Variants in PXDNL observed in about 807,000 individuals in gnomAD.
The protein encoded by PXDNL is probable oxidoreductase PXDNL.
In PXDNL, 145 loss-of-function variants were observed where a neutral mutation model predicts 150.8. The observed-to-expected ratio is 0.96, with a 90% CI of 0.84 to 1.10. The LOEUF (loss-of-function observed/expected upper bound fraction) is 1.10, where lower values mean the gene tolerates loss of function less well. Ranked by LOEUF, PXDNL falls within the 50% of genes least tolerant of loss-of-function variation. PXDNL has a pLI of 0.00. For synonymous variants in PXDNL, 757 were observed against 725.7 expected, an observed-to-expected ratio of 1.04 and a Z score of -0.69; for missense variants, 2,087 against 1,873.9, an observed-to-expected ratio of 1.11 and a Z score of -2.10.
In PXDNL at chr8:51,423,691, T is replaced by C. The variant is rs1554538656; in HGVS notation, c.1679A>G (p.Asp560Gly). The C allele has an allele frequency of 6.2e-7, 1 of 1,613,880 alleles. No individual in the cohort carries two copies. The highest frequency in any genetic ancestry group is 1.7e-5 in the Admixed American group (1 of 60,018). The change falls in exon 14 of 23, where the codon GAT (aspartate) becomes GGT (glycine). Residue 560 changes from aspartate (D) to glycine (G), a missense_variant. Transcript: ENST00000356297. ...GTAGATAGTCAGCGTGCCTTCATCATCCACATGGAATTTACCACTCTCAGT... is the reference window on the plus strand; with the variant it reads ...GTAGATAGTCAGCGTGCCTTCATCACCCACATGGAATTTACCACTCTCAGT... ...QITESGKFHV[D>G]DEGTLTIYDA... is the part of the protein sequence containing the mutation.
chr8:51,785,905 G>A (rs2037456471), intron 1 of PXDNL, among the ~76,000 whole-genome samples: 1 of 152,228 alleles, frequency 6.6e-6, no homozygotes, highest in South Asian at 2.1e-4. Context: ...CAAAAGCCAA[G>A]ATAGGCCTCT....
At chr8:51,694,049 A>G (rs1420475972) in intron 1 of PXDNL, among the ~76,000 whole-genome samples, 1 of 152,150 alleles carries the variant, frequency 6.6e-6, no homozygotes, top group Non-Finnish European at 1.5e-5. Context: ...TCTTCTTATC[A>G]CCTTCCACCC....
chr8:51,620,681 C>T (rs1390687591), intron 2 of PXDNL, among the ~76,000 whole-genome samples: 1 of 149,796 alleles, frequency 6.7e-6, no homozygotes, highest in Non-Finnish European at 1.5e-5. Flanking sequence ...GTAGCTGGGA[C>T]TACAGGTGCA....
At chr8:51,719,661 T>A (rs1816689503) in intron 1 of PXDNL, among the ~76,000 whole-genome samples, 1 of 152,048 alleles carries the variant, frequency 6.6e-6, no homozygotes, top group Admixed American at 6.6e-5. Context: ...AAAAACTATT[T>A]CTACCTTCTA....
chr8:51,686,181 C>G (rs1815867150), intron 1 of PXDNL, among the ~76,000 whole-genome samples: 1 of 152,214 alleles, frequency 6.6e-6, no homozygotes, highest in Non-Finnish European at 1.5e-5. Flanking sequence ...GAAACAGATT[C>G]ACTTTCGAGC....
chr8:51,785,121 C>G (rs1268205891), intron 1 of PXDNL, among the ~76,000 whole-genome samples: 1 of 152,122 alleles, frequency 6.6e-6, no homozygotes, highest in East Asian at 1.9e-4. Flanking sequence ...ATGGAACAAG[C>G]TGTTTCTAGG....
intron 1 of PXDNL, among the ~76,000 whole-genome samples, chr8:51,694,524 C>T (rs994996620): frequency 2.0e-5 from 3 of 152,308 alleles, no homozygotes; most frequent in Middle Eastern, 3.4e-3. Flanking sequence ...CTGCTGATGC[C>T]TTAAATCTTG....
chr8:51,354,406 C>A (rs995643716), intron 19 of PXDNL, among the ~76,000 whole-genome samples: 3 of 152,012 alleles, frequency 2.0e-5, no homozygotes, highest in Non-Finnish European at 4.4e-5. Context: ...TGTTTAATTG[C>A]ACCTGCAATG....
At chr8:51,416,507 G>T (rs372576191) in intron 14 of PXDNL, among the ~76,000 whole-genome samples, 3 of 152,326 alleles carry the variant, frequency 2.0e-5, no homozygotes, top group Admixed American at 6.5e-5. Flanking sequence ...AGAAAGCCTT[G>T]CTCAGCACAG....
At chr8:51,563,305 C>T (rs1046465373) in intron 3 of PXDNL, among the ~76,000 whole-genome samples, 2 of 151,930 alleles carry the variant, frequency 1.3e-5, no homozygotes, top group African/African-American at 2.4e-5. Context: ...CTTCCTGGCT[C>T]GCAGATAGCC....
chr8:51,742,465 T>C lies in PXDNL; in HGVS notation c.164+66716A>G, dbSNP rs146184394. ...ATTTCCTCACTGTGATATTGCACTA[T>C]AGTTTTGTAGGACGTTAGTTACCAT... On this transcript the variant is annotated intron_variant, in intron 1 of 22. Coordinates refer to ENST00000356297, the MANE Select transcript of PXDNL (RefSeq NM_144651.5). Among the ~76,000 whole-genome samples, 152 of 152,146 alleles carry C rather than the reference T, an allele frequency of 1.0e-3. 2 individuals are homozygous for C. Among genetic ancestry groups the C allele is most frequent in the African/African-American group, 3.5e-3 (146 of 41,434 alleles).
chr8:51,339,975 C>G, intron 20 of PXDNL: 1 of 374,142 alleles, frequency 2.7e-6, no homozygotes, highest in Non-Finnish European at 4.8e-6. Context: ...TGTAATTTAT[C>G]TAAAATAATA....
chr8:51,401,110 C>T (rs768094064), intron 17 of PXDNL, among the ~76,000 whole-genome samples: 6 of 152,122 alleles, frequency 3.9e-5, no homozygotes, highest in Non-Finnish European at 7.3e-5. Flanking sequence ...ACTCTTGGAA[C>T]CTGTCATTCA....
intron 4 of PXDNL, among the ~76,000 whole-genome samples, chr8:51,553,964 T>C (rs1047701449): frequency 1.3e-5 from 2 of 152,046 alleles, no homozygotes; most frequent in African/African-American, 4.8e-5. Flanking sequence ...ATTTAAAAGA[T>C]GAATCGAAGT....
chr8:51,426,818 C>A, intron 12 of PXDNL, 60 bp from the exon 13 acceptor site: 1 of 981,268 alleles, frequency 1.0e-6, no homozygotes, highest in East Asian at 2.6e-5. Context: ...CAACATATGC[C>A]AGCTGAGTCA....
chr8:51,665,216 C>T (rs944470582), intron 1 of PXDNL, among the ~76,000 whole-genome samples: 9 of 152,142 alleles, frequency 5.9e-5, no homozygotes, highest in South Asian at 2.1e-4. Flanking sequence ...AGGCAGTTAG[C>T]GCAGTGGTTG....
Position 51,409,267 on chromosome 8 carries a change from A to G in PXDNL, c.2357T>C (p.Val786Ala). ...GGTGACGGCCGCCGCGCGCGCCCAC[A>G]CTGTGGCGACCAGCCGGGGCGGCGG... ...PLPPPRLVAT[V>A]WARAAAVTPD... Residue 786 changes from valine to alanine, a missense_variant, in exon 17 of 23, where the codon GTG becomes GCG. Physicochemically the swap from Val to Ala is moderately conservative, Grantham distance 64 (BLOSUM62 0). Transcript: ENST00000356297. 1 of 1,456,150 alleles carries G rather than the reference A, an allele frequency of 6.9e-7. No homozygotes were observed. The highest frequency in any genetic ancestry group is 9.0e-7 in the Non-Finnish European group (1 of 1,109,390). The allele number at this position is 1,456,150 out of a possible 1,614,324, so 90.2% of individuals were successfully genotyped here. A position where few individuals can be genotyped will look rare whatever the true frequency, so the allele number is the denominator to read the frequency against.
chr8:51,445,982 C>T (rs1430841290), intron 12 of PXDNL, among the ~76,000 whole-genome samples: 1 of 150,044 alleles, frequency 6.7e-6, no homozygotes, highest in African/African-American at 2.5e-5. Flanking sequence ...ACCTCAACTT[C>T]CTTTAAAAAA....
At chr8:51,566,571 G>T (rs1812833939) in intron 3 of PXDNL, among the ~76,000 whole-genome samples, 1 of 151,540 alleles carries the variant, frequency 6.6e-6, no homozygotes, top group African/African-American at 2.4e-5. Context: ...AAATTTATGG[G>T]CTTAAAATTG....
Sources: gnomAD v4.1 joint callset for allele counts (sites outside exome capture counted in the v4.1 genomes callset) on GRCh38, gnomAD v4.1.1 for gene constraint, MANE v1.5 for transcripts, NCBI Gene and HGNC (gene_info 2026-07-23, HGNC 2026-07-21) for gene names.